Variants in SFI1 observed in about 807,000 individuals in gnomAD.
The protein encoded by SFI1 is SFI1 centrin binding protein.
In SFI1, 195 loss-of-function variants were observed where a neutral mutation model predicts 207.5. That is an observed-to-expected ratio of 0.94 (90% CI 0.84 to 1.06). The LOEUF (loss-of-function observed/expected upper bound fraction) is 1.06. Among genes scored for constraint, SFI1 ranks in the 50% least tolerant of loss-of-function variants. SFI1 has a pLI of 0.00. For missense variants in SFI1, 1,634 were observed against 1,588.0 expected (o/e 1.03, Z -0.49); for synonymous variants, 630 against 598.9 (o/e 1.05, Z -0.76).
At chr22:31,613,971 C>G (rs2070872609) in intron 27 of SFI1, 116 bp downstream of exon 27, 1 of 1,335,828 alleles carries the variant, frequency 7.5e-7, no homozygotes, top group Admixed American at 2.8e-5. Context: ...GGCCTTGTCA[C>G]AGCTGAGCTG....
At chr22:31,582,359 C>G (rs2064442591) in intron 12 of SFI1, among the ~76,000 whole-genome samples, 1 of 141,390 alleles carries the variant, frequency 7.1e-6, no homozygotes, top group Non-Finnish European at 1.5e-5. Context: ...TCAAACTGTT[C>G]TCCTGCCTCA....
In SFI1 at chr22:31,508,281, A is replaced by G. The variant is rs757092587; in HGVS notation, c.-4A>G. 6.2e-7 allele frequency: 1 copy of G among 1,602,730 alleles called. No homozygotes were observed. The highest frequency in any genetic ancestry group is 8.5e-7 in the Non-Finnish European group (1 of 1,170,358). ...TAGAAGGGGAAGATAAAAGACTTTG[A>G]TTCATGAAGAATCTGCTCACTGAGA... On this transcript the variant is annotated 5_prime_UTR_variant, in exon 2 of 33. An upstream open reading frame in the 5' UTR loses its in-frame stop. Transcript: ENST00000400288.
At chr22:31,497,139 A>C (rs998492725) in intron 1 of SFI1, 5 of 152,174 alleles carry the variant, frequency 3.3e-5, no homozygotes, top group African/African-American at 1.2e-4. Flanking sequence ...TTTTTATGGG[A>C]GGCTGTTCAG....
chr22:31,572,879 T>C (rs1427379892), intron 8 of SFI1, 179 bp from the exon 9 acceptor site: 7 of 521,350 alleles, frequency 1.3e-5, no homozygotes, highest in South Asian at 4.1e-5. Flanking sequence ...AGAATGTCCC[T>C]CTTAAAGACC....
At chr22:31,504,953 A>C (rs2054387259) in intron 1 of SFI1, among the ~76,000 whole-genome samples, 1 of 152,208 alleles carries the variant, frequency 6.6e-6, no homozygotes, top group Admixed American at 6.5e-5. Context: ...CTGTTTTCAG[A>C]TAATGTCACA....
intron 2 of SFI1, among the ~76,000 whole-genome samples, chr22:31,510,433 T>G (rs2055327764): frequency 6.6e-6 from 1 of 152,012 alleles, no homozygotes; most frequent in Non-Finnish European, 1.5e-5. Context: ...TTCTATTTAT[T>G]GTTTTTGTTT....
intron 9 of SFI1, 106 bp from the exon 10 acceptor site, chr22:31,575,125 C>T: frequency 1.3e-6 from 1 of 756,990 alleles, no homozygotes; most frequent in Non-Finnish European, 2.0e-6. Flanking sequence ...TGTGTGTGGC[C>T]TTGAACCCCT....
intron 31 of SFI1, 33 bp from the exon 32 acceptor site, chr22:31,618,082 G>A (rs1159127411): frequency 1.9e-6 from 3 of 1,547,660 alleles, no homozygotes; most frequent in Non-Finnish European, 2.6e-6. Context: ...CAAGGACCCA[G>A]CCTGGCAGGC....
chr22:31,499,272 A>G (rs1156922419), intron 1 of SFI1, among the ~76,000 whole-genome samples: 1 of 151,984 alleles, frequency 6.6e-6, no homozygotes, highest in Non-Finnish European at 1.5e-5. Context: ...AGTGCTCACC[A>G]CAACCTCCGC....
chr22:31,580,935 G>T (rs945866614), intron 12 of SFI1, among the ~76,000 whole-genome samples: 4 of 152,160 alleles, frequency 2.6e-5, no homozygotes, highest in African/African-American at 9.7e-5. Context: ...GAAATGGATA[G>T]TTGACTCAAA....
In SFI1 at chr22:31,618,345, A is replaced by T; in HGVS notation, c.3656A>T (p.Glu1219Val). The change falls in exon 33 of 33, where the codon GAG becomes GTG. Residue 1219 changes from glutamate (E) to valine (V), a missense_variant. By Grantham distance (121) the Glu-to-Val change is moderately radical. Coordinates refer to ENST00000400288, the MANE Select transcript of SFI1 (RefSeq NM_001007467.3). ...ATGCAGATCCAGCTGCTGGCAGAGGAGCTCCAGGCTCAGCGCCAGCCCATT... is the reference window on the plus strand; with the variant it reads ...ATGCAGATCCAGCTGCTGGCAGAGGTGCTCCAGGCTCAGCGCCAGCCCATT... Reference protein sequence around the residue: ...VEMQIQLLAEELQAQRQPIGA... With the variant: ...VEMQIQLLAEVLQAQRQPIGA... 3.7e-6 allele frequency: 6 copies of T among 1,609,494 alleles called. No individual in the cohort carries two copies. Among genetic ancestry groups the T allele is most frequent in the Non-Finnish European group, 5.1e-6 (6 of 1,177,220 alleles).
intron 4 of SFI1, among the ~76,000 whole-genome samples, chr22:31,546,412 C>G (rs1246075887): frequency 6.6e-6 from 1 of 152,044 alleles, no homozygotes; most frequent in Non-Finnish European, 1.5e-5. Context: ...CTCACTGCAA[C>G]CTCTGCCTCC....
At position 31,584,093 on chromosome 22, in the gene SFI1, G is replaced by GGT. The variant is rs2064705499; in HGVS notation, c.1346+123_1346+124dup. The GGT allele has an allele frequency of 6.1e-6, 5 of 815,222 alleles. No individual in the cohort carries two copies. The East Asian group carries it at 1.2e-4, about 20-fold the overall frequency. 50.5% of individuals were successfully genotyped at this position (815,222 alleles called of 1,614,324 possible). A position where few individuals can be genotyped will look rare whatever the true frequency, so the allele number is the denominator to read the frequency against. ...TGGCAGATTCAGAAAGGCCTGCTGG[G>GGT]GTGGAGGTCCTGCTGTAAACCATTT... On this transcript the variant is annotated intron_variant, in intron 13 of 32. Coordinates refer to ENST00000400288, the MANE Select transcript of SFI1 (RefSeq NM_001007467.3).
At chr22:31,579,415 A>G (rs976874985) in intron 11 of SFI1, among the ~76,000 whole-genome samples, 4 of 151,400 alleles carry the variant, frequency 2.6e-5, no homozygotes, top group African/African-American at 9.7e-5. Context: ...TCCGGGGTTC[A>G]CGCCATTCTC....
At chr22:31,534,478 C>A (rs2058791816) in intron 4 of SFI1, among the ~76,000 whole-genome samples, 1 of 151,960 alleles carries the variant, frequency 6.6e-6, no homozygotes, top group Admixed American at 6.6e-5. Context: ...TTTTCCTTCT[C>A]CTATCAGAAC....
At chr22:31,592,961 C>T (rs1273142748) in intron 15 of SFI1, among the ~76,000 whole-genome samples, 3 of 117,038 alleles carry the variant, frequency 2.6e-5, no homozygotes, top group South Asian at 2.8e-4. Flanking sequence ...ACCTCCCGGA[C>T]GGGGCGGCTG....
intron 22 of SFI1, among the ~76,000 whole-genome samples, chr22:31,610,362 G>GA (rs531337172): frequency 1.3e-5 from 2 of 152,196 alleles, no homozygotes; most frequent in Non-Finnish European, 2.9e-5. Context: ...GATCAAGTGA[G>GA]ATGACAGGTA....
chr22:31,595,056 G>A (rs1569425130), intron 15 of SFI1, among the ~76,000 whole-genome samples: 2 of 151,782 alleles, frequency 1.3e-5, no homozygotes, highest in South Asian at 4.2e-4. Flanking sequence ...GCATGCAGTG[G>A]CACCATCTTG....
intron 14 of SFI1, among the ~76,000 whole-genome samples, chr22:31,588,660 A>G (rs1039373748): frequency 2.0e-5 from 3 of 152,114 alleles, no homozygotes; most frequent in African/African-American, 4.8e-5. Context: ...TAAAAATACA[A>G]AAATTAGCTG....
Sources: gnomAD v4.1 joint callset for allele counts (sites outside exome capture counted in the v4.1 genomes callset) on GRCh38, gnomAD v4.1.1 for gene constraint, MANE v1.5 for transcripts, NCBI Gene and HGNC (gene_info 2026-07-23, HGNC 2026-07-21) for gene names.